Variants in CDH12 observed in about 807,000 individuals in gnomAD.
CDH12 encodes cadherin 12, also known as cadherin-12.
A neutral mutation model predicts 74.1 loss-of-function variants in CDH12; 41 were observed. The ratio of observed to expected loss-of-function variants is 0.55; its 90% CI spans 0.43 to 0.72. CDH12 has a LOEUF of 0.72. Among genes scored for constraint, CDH12 ranks in the 30% least tolerant of loss-of-function variants. The probability of loss-of-function intolerance (pLI) is 0.00; values close to 1 mark genes in which losing one functional copy is unlikely to be tolerated. For missense variants in CDH12, 945 were observed against 977.2 expected (o/e 0.97, Z 0.44); for synonymous variants, 399 against 355.0 (o/e 1.12, Z -1.39).
intron 2 of CDH12, among the ~76,000 whole-genome samples, chr5:22,450,936 A>G (rs1042985625): frequency 6.8e-6 from 1 of 146,028 alleles, no homozygotes; most frequent in South Asian, 2.2e-4. Flanking sequence ...TCTTTCTCAG[A>G]CTGGAATGCT....
intron 1 of CDH12, among the ~76,000 whole-genome samples, chr5:22,644,837 T>C (rs1176465294): frequency 5.3e-5 from 8 of 152,054 alleles, no homozygotes; most frequent in Non-Finnish European, 1.0e-4. Context: ...AGTGATCATT[T>C]ACTATTCTGA....
At chr5:22,547,263 G>C (rs1738374898) in intron 1 of CDH12, among the ~76,000 whole-genome samples, 1 of 152,150 alleles carries the variant, frequency 6.6e-6, no homozygotes, top group African/African-American at 2.4e-5. Flanking sequence ...ACTTTATACA[G>C]ACAAGAGACT....
chr5:22,429,922 T>C (rs1744097746), intron 2 of CDH12, among the ~76,000 whole-genome samples: 1 of 152,204 alleles, frequency 6.6e-6, no homozygotes, highest in Admixed American at 6.6e-5. Flanking sequence ...CAATTAATGT[T>C]GATGGCCATA....
intron 3 of CDH12, among the ~76,000 whole-genome samples, chr5:22,306,734 TA>T (rs1738133387): frequency 6.6e-6 from 1 of 152,146 alleles, no homozygotes; most frequent in African/African-American, 2.4e-5. Flanking sequence ...AACCTGTTTT[TA>T]AAGTTTTTAG....
intron 1 of CDH12, among the ~76,000 whole-genome samples, chr5:22,801,636 C>T (rs1382779440): frequency 3.9e-5 from 2 of 50,882 alleles, no homozygotes; most frequent in Admixed American, 2.4e-4. Context: ...CTCTGCTTAT[C>T]ATATATATAT....
intron 3 of CDH12, among the ~76,000 whole-genome samples, chr5:22,320,097 A>T (rs1262151175): frequency 6.6e-6 from 1 of 152,146 alleles, no homozygotes; most frequent in Non-Finnish European, 1.5e-5. Context: ...CTGACACAGA[A>T]TGAGGGTTTG....
intron 2 of CDH12, among the ~76,000 whole-genome samples, chr5:22,460,209 C>G (rs980051684): frequency 3.3e-5 from 5 of 151,860 alleles, no homozygotes; most frequent in Non-Finnish European, 7.4e-5. Flanking sequence ...TTACTTTTAC[C>G]TGTAATATAA....
At chr5:22,402,616 T>C (rs955988218) in intron 3 of CDH12, among the ~76,000 whole-genome samples, 9 of 152,178 alleles carry the variant, frequency 5.9e-5, no homozygotes, top group Non-Finnish European at 1.0e-4. Flanking sequence ...GAAACTTCTG[T>C]GTGAGAAGGA....
At chr5:22,746,843 A>G (rs1745318855) in intron 1 of CDH12, among the ~76,000 whole-genome samples, 1 of 152,214 alleles carries the variant, frequency 6.6e-6, no homozygotes, top group South Asian at 2.1e-4. Context: ...GAATTTTTAC[A>G]CCTCAAACTA....
intron 1 of CDH12, among the ~76,000 whole-genome samples, chr5:22,574,551 T>G (rs1440550521): frequency 6.6e-6 from 1 of 152,186 alleles, no homozygotes; most frequent in Non-Finnish European, 1.5e-5. Context: ...GTAGGCTCTC[T>G]TAATTATGTA....
rs527658685 is a variant in CDH12 at position 22,438,047 on chromosome 5, G to A, written c.-427-32696C>T. Among the ~76,000 whole-genome samples, 36 of 151,862 alleles carry A rather than the reference G, an allele frequency of 2.4e-4. No homozygotes were observed. In the South Asian group the frequency reaches 5.6e-3, roughly 24 times the overall value. ...TTTTAGGGAAGCAAAGTATCTTTACGTTTCTAACAATAATCAGAATCTATG... is the reference window on the plus strand; with the variant it reads ...TTTTAGGGAAGCAAAGTATCTTTACATTTCTAACAATAATCAGAATCTATG... On this transcript the variant is annotated intron_variant, in intron 2 of 14. Transcript: ENST00000382254.
intron 2 of CDH12, among the ~76,000 whole-genome samples, chr5:22,468,677 T>G: frequency 6.6e-6 from 1 of 152,264 alleles, no homozygotes. Flanking sequence ...CATTTTTATC[T>G]TAATTATTGT....
intron 4 of CDH12, among the ~76,000 whole-genome samples, chr5:22,095,496 G>A (rs1743699658): frequency 1.3e-5 from 2 of 151,990 alleles, no homozygotes; most frequent in African/African-American, 4.8e-5. Flanking sequence ...ACCTGCCTTG[G>A]TCCTTCACCC....
At chr5:22,277,704 G>A (rs567879291) in intron 3 of CDH12, among the ~76,000 whole-genome samples, 1 of 152,046 alleles carries the variant, frequency 6.6e-6, no homozygotes, top group South Asian at 2.1e-4. Context: ...CGTGATGGTG[G>A]GTGCCTGTAA....
At chr5:22,043,394 A>T (rs912226735) in intron 5 of CDH12, among the ~76,000 whole-genome samples, 5 of 152,184 alleles carry the variant, frequency 3.3e-5, no homozygotes, top group Non-Finnish European at 5.9e-5. Flanking sequence ...AAAATTCAAC[A>T]TCCCTTCCCA....
chr5:22,626,747 T>C (rs1022342891), intron 1 of CDH12, among the ~76,000 whole-genome samples: 19 of 152,136 alleles, frequency 1.2e-4, no homozygotes, highest in African/African-American at 7.2e-5. Context: ...TTACACAGGC[T>C]GAAATGGCTA....
intron 3 of CDH12, among the ~76,000 whole-genome samples, chr5:22,325,901 C>T (rs1739076025): frequency 6.6e-6 from 1 of 151,908 alleles, no homozygotes; most frequent in African/African-American, 2.4e-5. Context: ...GAGGGAGACT[C>T]CGTCTCAGAA....
intron 2 of CDH12, among the ~76,000 whole-genome samples, chr5:22,468,966 A>G (rs1268247831): frequency 2.6e-5 from 4 of 152,158 alleles, no homozygotes; most frequent in Non-Finnish European, 5.9e-5. Flanking sequence ...TTGCTGATTT[A>G]CTTCTAGTAA....
At chr5:22,010,840 C>G (rs1303084728) in intron 5 of CDH12, among the ~76,000 whole-genome samples, 1 of 152,136 alleles carries the variant, frequency 6.6e-6, no homozygotes, top group Non-Finnish European at 1.5e-5. Flanking sequence ...GTTCTTTTCT[C>G]CATGAGATTT....
Sources: gnomAD v4.1 joint callset for allele counts (sites outside exome capture counted in the v4.1 genomes callset) on GRCh38, gnomAD v4.1.1 for gene constraint, MANE v1.5 for transcripts, NCBI Gene and HGNC (gene_info 2026-07-23, HGNC 2026-07-21) for gene names.